NR3C2: variants seen among roughly 807,000 people sequenced by gnomAD.
The protein encoded by NR3C2 is nuclear receptor subfamily 3 group C member 2.
Under a neutral mutation model 86.4 loss-of-function variants are expected in NR3C2, and 15 were observed. That is an observed-to-expected ratio of 0.17 (90% CI 0.12 to 0.27). The LOEUF (loss-of-function observed/expected upper bound fraction) is 0.27. Ranked by LOEUF, NR3C2 falls within the 10% of genes least tolerant of loss-of-function variation. The probability of loss-of-function intolerance (pLI) is 1.00; values close to 1 mark genes in which losing one functional copy is unlikely to be tolerated. For synonymous variants in NR3C2, 458 were observed against 450.5 expected (o/e 1.02, Z -0.21); for missense variants, 960 against 1,195.6 (o/e 0.80, Z 2.91).
chr4:148,089,734 T>C (rs1187774121), intron 8 of NR3C2, among the ~76,000 whole-genome samples: 3 of 152,198 alleles, frequency 2.0e-5, no homozygotes, highest in Admixed American at 6.5e-5. Context: ...GGCAGGACCA[T>C]GGCTGTCAAA....
chr4:148,176,051 A>G (rs981439202), intron 4 of NR3C2, among the ~76,000 whole-genome samples: 2 of 152,338 alleles, frequency 1.3e-5, no homozygotes, highest in Admixed American at 6.5e-5. Context: ...GTTGCTGACC[A>G]TCAGATGCAA....
rs187566169 is a variant in NR3C2 at position 148,139,951 on chromosome 4, C to T, written c.2510+12518G>A. ...TAAAAATAATCGTGTGGTTCAATTT[C>T]AGTTCTAGAAATGTCTAAAGACATA... is the stretch of plus-strand genomic sequence containing the variant. On this transcript the variant is annotated intron_variant, in intron 6 of 8. Coordinates refer to ENST00000358102, the MANE Select transcript of NR3C2 (RefSeq NM_000901.5). Among the ~76,000 whole-genome samples the T allele has an allele frequency of 7.6e-3, 1,162 of 152,290 alleles. 9 individuals are homozygous for T. The highest frequency in any genetic ancestry group is 0.011 in the Non-Finnish European group (780 of 68,026).
intron 2 of NR3C2, among the ~76,000 whole-genome samples, chr4:148,399,493 G>C (rs924649015): frequency 6.6e-6 from 1 of 151,204 alleles, no homozygotes; most frequent in Non-Finnish European, 1.5e-5. Context: ...CTTCATTATG[G>C]CAAACTTTTA....
intron 2 of NR3C2, among the ~76,000 whole-genome samples, chr4:148,349,698 G>A (rs1040181195): frequency 6.6e-6 from 1 of 152,036 alleles, no homozygotes; most frequent in Admixed American, 6.6e-5. Flanking sequence ...CACATTTGAT[G>A]TTTTGTTGTT....
At position 148,435,459 on chromosome 4, in the gene NR3C2, A is replaced by C. The variant is rs1339866465; in HGVS notation, c.1402T>G (p.Ser468Ala). Reference sequence around the variant, plus strand: ...GGTGGTCCTAAAATTCCTGATAGGGAATAATAGTCTTTATCATCCATAAAG... The same window carrying C: ...GGTGGTCCTAAAATTCCTGATAGGGCATAATAGTCTTTATCATCCATAAAG... ...FSFMDDKDYY[S>A]LSGILGPPVP... Residue 468 changes from serine to alanine, a missense_variant, in exon 2 of 9, where the codon TCC becomes GCC. Ser to Ala is a moderately conservative substitution (Grantham distance 99, BLOSUM62 1). Transcript: ENST00000358102. 1 of 1,614,156 alleles carries C rather than the reference A, an allele frequency of 6.2e-7. No individual in the cohort carries two copies. The highest frequency in any genetic ancestry group is 8.5e-7 in the Non-Finnish European group (1 of 1,180,022).
Position 148,081,461 on chromosome 4 carries a change from G to C in NR3C2, c.2838C>G (p.Phe946Leu). 6.2e-7 allele frequency: 1 copy of C among 1,614,110 alleles called. No homozygotes were observed. Among genetic ancestry groups the C allele is most frequent in the Non-Finnish European group, 8.5e-7 (1 of 1,180,006 alleles). Residue 946 changes from phenylalanine to leucine, a missense_variant, in exon 9 of 9, where the codon TTC becomes TTG. Around this residue, in one of 4 missense-constraint regions of NR3C2, gnomAD observed 151 missense variants for 296.3 expected, o/e 0.51. Coordinates refer to ENST00000358102, the MANE Select transcript of NR3C2 (RefSeq NM_000901.5). ...SDLLEFCFYT[F>L]RESHALKVEF... is the part of the protein sequence containing the mutation. ...CTACCTTCAGCGCATGGGACTCTCG[G>C]AAGGTGTAGAAGCAGAATTCCAGCA...
chr4:148,080,950 G>A lies in NR3C2; in HGVS notation c.*394C>T. On this transcript the variant is annotated 3_prime_UTR_variant, in exon 9 of 9. Coordinates refer to ENST00000358102, the MANE Select transcript of NR3C2 (RefSeq NM_000901.5). ...ACTATACGTTTTATGTGCAAACCAA[G>A]GGTAAGCTTTAAAACGTTCGTTAGT... The A allele has an allele frequency of 3.1e-6, 1 of 322,124 alleles. No homozygotes were observed. Among genetic ancestry groups the A allele is most frequent in the South Asian group, 2.7e-5 (1 of 37,112 alleles). 20.0% of individuals were successfully genotyped at this position (322,124 alleles called of 1,614,324 possible).
intron 2 of NR3C2, among the ~76,000 whole-genome samples, chr4:148,284,736 A>C (rs990376062): frequency 2.0e-5 from 3 of 152,172 alleles, no homozygotes; most frequent in African/African-American, 7.2e-5. Flanking sequence ...CAGATGGCAC[A>C]CTGGCCCACA....
chr4:148,341,636 T>C (rs1744753413), intron 2 of NR3C2, among the ~76,000 whole-genome samples: 2 of 152,134 alleles, frequency 1.3e-5, no homozygotes, highest in South Asian at 2.1e-4. Context: ...AGGTGAATGT[T>C]TGGGGTAATA....
intron 3 of NR3C2, among the ~76,000 whole-genome samples, chr4:148,195,328 A>C (rs1407589943): frequency 6.6e-6 from 1 of 152,234 alleles, no homozygotes; most frequent in East Asian, 1.9e-4. Context: ...CATTCTGTAA[A>C]ACAATATGGA....
chr4:148,362,626 C>T (rs936402968), intron 2 of NR3C2, among the ~76,000 whole-genome samples: 10 of 151,982 alleles, frequency 6.6e-5, no homozygotes, highest in Non-Finnish European at 1.5e-4. Context: ...GACTGTGTGC[C>T]GAGACTATAC....
intron 6 of NR3C2, among the ~76,000 whole-genome samples, chr4:148,139,156 C>T (rs17024404): frequency 0.19 from 28,202 of 152,120 alleles, 3,810 homozygotes; most frequent in African/African-American, 0.38. Context: ...TATATCATGT[C>T]TGAAACCATC....
intron 2 of NR3C2, among the ~76,000 whole-genome samples, chr4:148,349,622 CA>C (rs746466674): frequency 1.5e-5 from 2 of 129,802 alleles, no homozygotes; most frequent in African/African-American, 2.9e-5. Flanking sequence ...CTCCTTTCTG[CA>C]AAGGTTCTGG....
At chr4:148,214,613 A>T (rs901606146) in intron 3 of NR3C2, among the ~76,000 whole-genome samples, 2 of 152,130 alleles carry the variant, frequency 1.3e-5, no homozygotes, top group African/African-American at 4.8e-5. Context: ...CATCTAGGAA[A>T]TGTGGGATCC....
intron 2 of NR3C2, among the ~76,000 whole-genome samples, chr4:148,332,055 GA>G (rs1229454988): frequency 3.3e-5 from 5 of 152,058 alleles, no homozygotes; most frequent in African/African-American, 1.2e-4. Flanking sequence ...AAATACTAAA[GA>G]TACTTACAAA....
At chr4:148,389,251 T>C (rs1420626916) in intron 2 of NR3C2, among the ~76,000 whole-genome samples, 2 of 151,710 alleles carry the variant, frequency 1.3e-5, no homozygotes, top group Admixed American at 6.6e-5. Context: ...AGGCCCCAGG[T>C]TGAAAAAACA....
At chr4:148,380,850 A>T (rs1746940563) in intron 2 of NR3C2, among the ~76,000 whole-genome samples, 1 of 152,226 alleles carries the variant, frequency 6.6e-6, no homozygotes, top group African/African-American at 2.4e-5. Context: ...TACACAGTTA[A>T]TCAGTATTTT....
intron 2 of NR3C2, among the ~76,000 whole-genome samples, chr4:148,364,558 C>G (rs1746012438): frequency 6.6e-6 from 1 of 152,202 alleles, no homozygotes; most frequent in Non-Finnish European, 1.5e-5. Flanking sequence ...TCTTAACAAT[C>G]CTTAACAATA....
chr4:148,389,470 A>G (rs376800192), intron 2 of NR3C2, among the ~76,000 whole-genome samples: 97 of 152,204 alleles, frequency 6.4e-4, no homozygotes, highest in Admixed American at 3.9e-3. Flanking sequence ...CAGTATATAC[A>G]GTACTTAAAA....
Sources: gnomAD v4.1 joint callset for allele counts (sites outside exome capture counted in the v4.1 genomes callset) on GRCh38, gnomAD v4.1.1 for gene constraint, gnomAD v4.1.1 regional missense constraint, MANE v1.5 for transcripts, NCBI Gene and HGNC (gene_info 2026-07-23, HGNC 2026-07-21) for gene names.